Variants in MFHAS1 observed in about 807,000 individuals in gnomAD.
MFHAS1 encodes the protein malignant fibrous histiocytoma-amplified sequence 1.
MFHAS1 carries 50 observed loss-of-function variants against 70.4 expected under a neutral mutation model. The observed-to-expected ratio is 0.71, with a 90% CI of 0.57 to 0.90. The LOEUF is 0.90. Ranked by LOEUF, MFHAS1 falls within the 40% of genes least tolerant of loss-of-function variation. The pLI is 0.00. For synonymous variants in MFHAS1, 952 were observed against 620.0 expected (o/e 1.54, Z -7.96); for missense variants, 1,795 against 1,347.6 (o/e 1.33, Z -5.20).
At position 8,822,580 on chromosome 8, in the gene MFHAS1, C is replaced by T. The variant is rs1345033789; in HGVS notation, c.2999-25089G>A. On this transcript the variant is annotated intron_variant, in intron 1 of 2. Transcript: ENST00000276282. Reference sequence around the variant, plus strand: ...CAAGTCAGGGGGCCTGAGGTGAGGACAGGGACCAAATCAGGGGGAATGAGA... The same window carrying T: ...CAAGTCAGGGGGCCTGAGGTGAGGATAGGGACCAAATCAGGGGGAATGAGA... Among the ~76,000 whole-genome samples the T allele has an allele frequency of 2.2e-5, 3 of 139,106 alleles. 1 individual carries two copies. The highest frequency in any genetic ancestry group is 8.3e-5 in the African/African-American group (3 of 36,110). The allele number at this position is 139,106 out of a possible 152,430, so 91.3% of individuals were successfully genotyped here. A position where few individuals can be genotyped will look rare whatever the true frequency, so the allele number is the denominator to read the frequency against.
chr8:8,821,516 G>A (rs1286135336), intron 1 of MFHAS1, among the ~76,000 whole-genome samples: 3 of 152,162 alleles, frequency 2.0e-5, no homozygotes, highest in African/African-American at 7.2e-5. Flanking sequence ...GAAAATACCA[G>A]TCAATCATCA....
At chr8:8,811,842 C>T (rs1035960283) in intron 1 of MFHAS1, among the ~76,000 whole-genome samples, 3 of 152,184 alleles carry the variant, frequency 2.0e-5, no homozygotes, top group Admixed American at 6.5e-5. Flanking sequence ...GTTCTGAATC[C>T]GACACTGGTG....
intron 1 of MFHAS1, among the ~76,000 whole-genome samples, chr8:8,826,657 C>G (rs545204632): frequency 5.9e-5 from 9 of 152,164 alleles, no homozygotes; most frequent in African/African-American, 2.2e-4. Context: ...CGCTTGAACC[C>G]AGAAGGTGGA....
At chr8:8,843,575 C>T (rs940163799) in intron 1 of MFHAS1, among the ~76,000 whole-genome samples, 8 of 152,048 alleles carry the variant, frequency 5.3e-5, no homozygotes, top group Non-Finnish European at 2.9e-5. Context: ...AGTGGGACTC[C>T]GTTTCAAAAA....
At chr8:8,833,421 G>A (rs936492225) in intron 1 of MFHAS1, among the ~76,000 whole-genome samples, 2 of 152,104 alleles carry the variant, frequency 1.3e-5, no homozygotes, top group Admixed American at 6.5e-5. Flanking sequence ...TTGAGGCCAG[G>A]AGTTCAAGAC....
At position 8,892,615 on chromosome 8, in the gene MFHAS1, G is replaced by C. The variant is rs151297285; in HGVS notation, c.444C>G (p.Pro148=). The change falls in exon 1 of 3, where the codon CCC becomes CCG. Residue 148 remains proline, a synonymous_variant. Transcript: ENST00000276282. This position sits in a 1 kb window ranked among gnomAD's most constrained non-coding sequence, Gnocchi z 4.7. The part of the protein sequence containing the change: ...RKLNLSHNQL[P]ALPAQLGALA... ...GAGCGCCCAGCTGGGCGGGCAGGGCGGGCAGCTGGTTGTGGCTGAGGTTGA... is the reference window on the plus strand; with the variant it reads ...GAGCGCCCAGCTGGGCGGGCAGGGCCGGCAGCTGGTTGTGGCTGAGGTTGA... 7.7e-5 allele frequency: 124 copies of C among 1,607,828 alleles called. No individual in the cohort carries two copies. The highest frequency in any genetic ancestry group is 1.0e-4 in the Non-Finnish European group (123 of 1,177,762).
Position 8,891,457 on chromosome 8 carries a change from G to C in MFHAS1, c.1602C>G (p.Ile534Met), listed in dbSNP as rs1810031356. ...CGCACAGGTCTGCGTGGGTGCCCACGATGCACACCACCGCGTGGGGCACTC... is the reference window on the plus strand; with the variant it reads ...CGCACAGGTCTGCGTGGGTGCCCACCATGCACACCACCGCGTGGGGCACTC... Reference protein sequence around the residue: ...GARVPHAVVCIVGTHADLCGE... With the variant: ...GARVPHAVVCMVGTHADLCGE... Residue 534 changes from isoleucine (I) to methionine (M), a missense_variant, in exon 1 of 3, where the codon ATC (isoleucine) becomes ATG (methionine). Coordinates refer to ENST00000276282, the MANE Select transcript of MFHAS1 (RefSeq NM_004225.3). The surrounding 1 kb of genome is among the most constrained non-coding windows in gnomAD (Gnocchi z 5.4). The C allele has an allele frequency of 6.2e-7, 1 of 1,612,864 alleles. No homozygotes were observed. Among genetic ancestry groups the C allele is most frequent in the Non-Finnish European group, 8.5e-7 (1 of 1,180,030 alleles).
chr8:8,790,482 CTAAATAATTAAAGAA>C (rs1477810443), intron 2 of MFHAS1: 2 of 554,306 alleles, frequency 3.6e-6, no homozygotes, highest in Non-Finnish European at 4.6e-6. Flanking sequence ...TGACGGGAGA[CTAAATAATTAAAGAA>C]ACACAATTCC....
intron 1 of MFHAS1, among the ~76,000 whole-genome samples, chr8:8,799,577 A>G (rs1171848389): frequency 1.3e-5 from 2 of 152,172 alleles, no homozygotes; most frequent in African/African-American, 4.8e-5. Flanking sequence ...CCAACATGGT[A>G]AAACCCAGTC....
At chr8:8,869,239 A>T (rs1808976870) in intron 1 of MFHAS1, among the ~76,000 whole-genome samples, 1 of 152,180 alleles carries the variant, frequency 6.6e-6, no homozygotes, top group Non-Finnish European at 1.5e-5. Context: ...CAGGATAGCA[A>T]AACCCGATCA....
intron 1 of MFHAS1, among the ~76,000 whole-genome samples, chr8:8,869,294 G>T (rs1567398): frequency 0.53 from 80,516 of 151,970 alleles, 22,455 homozygotes; most frequent in East Asian, 0.84. Context: ...TTTGACCTCT[G>T]CTTTTACAAG....
intron 1 of MFHAS1, among the ~76,000 whole-genome samples, chr8:8,819,322 T>C (rs866282531): frequency 8.5e-5 from 13 of 152,240 alleles, no homozygotes; most frequent in African/African-American, 3.1e-4. Context: ...TATCCAAGAA[T>C]TGGCCGGGTG....
chr8:8,814,849 CTTTTTT>C (rs34438669), intron 1 of MFHAS1, among the ~76,000 whole-genome samples: 1 of 130,430 alleles, frequency 7.7e-6, no homozygotes, highest in African/African-American at 2.8e-5. Flanking sequence ...GCTAGAATTT[CTTTTTT>C]TTTTTTTTTT....
intron 2 of MFHAS1, chr8:8,790,432 T>A (rs1805682784): frequency 1.0e-6 from 1 of 960,038 alleles, no homozygotes; most frequent in East Asian, 1.2e-4. Flanking sequence ...AGTATGAAGA[T>A]ACCTAAGCAG....
intron 1 of MFHAS1, among the ~76,000 whole-genome samples, chr8:8,874,450 C>A (rs756819589): frequency 2.0e-5 from 3 of 151,514 alleles, no homozygotes; most frequent in Admixed American, 6.6e-5. Flanking sequence ...TGATCAAATG[C>A]GAGGTGCAGA....
chr8:8,862,140 T>C (rs1351659464), intron 1 of MFHAS1, among the ~76,000 whole-genome samples: 2 of 152,224 alleles, frequency 1.3e-5, no homozygotes, highest in Non-Finnish European at 2.9e-5. Flanking sequence ...CATTTTCCAC[T>C]CCCAAGAGCA....
At chr8:8,802,766 G>T (rs934791064) in intron 1 of MFHAS1, among the ~76,000 whole-genome samples, 2 of 152,184 alleles carry the variant, frequency 1.3e-5, no homozygotes, top group Non-Finnish European at 2.9e-5. Flanking sequence ...AAGCTATCTT[G>T]GGGGGTGAAG....
rs779599873 is a variant in MFHAS1 at position 8,891,091 on chromosome 8, G to T, written c.1968C>A (p.His656Gln). The stretch of plus-strand genomic sequence containing the variant: ...CCTGCCAGGATCGAGGCAGTACTCT[G>T]TGTAAGTTGGGGAAGATCTCTCGGT... ...AEHREIFPNL[H>Q]RVLPRSWQVL... The change falls in exon 1 of 3, where the codon CAC becomes CAA. Residue 656 changes from histidine to glutamine, a missense_variant. Coordinates refer to ENST00000276282, the MANE Select transcript of MFHAS1 (RefSeq NM_004225.3). This position sits in a 1 kb window ranked among gnomAD's most constrained non-coding sequence, Gnocchi z 5.4. 6.2e-7 allele frequency: 1 copy of T among 1,613,930 alleles called. No individual in the cohort carries two copies. The highest frequency in any genetic ancestry group is 8.5e-7 in the Non-Finnish European group (1 of 1,179,990).
At chr8:8,818,025 C>G (rs1806812810) in intron 1 of MFHAS1, among the ~76,000 whole-genome samples, 1 of 152,186 alleles carries the variant, frequency 6.6e-6, no homozygotes, top group South Asian at 2.1e-4. Context: ...TACATACATT[C>G]TCACCTATGC....
Sources: allele counts gnomAD v4.1 joint callset (sites outside exome capture counted in the v4.1 genomes callset), GRCh38; gene constraint gnomAD v4.1.1; non-coding constraint Gnocchi (gnomAD v3.1); transcripts MANE v1.5; gene names NCBI Gene and HGNC (gene_info 2026-07-23, HGNC 2026-07-21).